Variants in FARP2 observed in about 807,000 individuals in gnomAD.
FARP2 encodes the protein FERM, ARHGEF and pleckstrin domain-containing protein 2.
In FARP2, 111 loss-of-function variants were observed where a neutral mutation model predicts 130.5. The observed-to-expected ratio is 0.85, with a 90% confidence interval of 0.73 to 1.00. The LOEUF is 1.00. Among genes scored for constraint, FARP2 ranks in the 50% least tolerant of loss-of-function variants. The pLI is 0.00. For missense variants in FARP2, 1,385 were observed against 1,346.3 expected (o/e 1.03, Z -0.45); for synonymous variants, 504 against 516.9 (o/e 0.98, Z 0.34).
At chr2:241,488,004 T>A (rs573762147) in intron 21 of FARP2, 1 of 152,032 alleles carries the variant, frequency 6.6e-6, no homozygotes, top group South Asian at 2.1e-4. Context: ...CGCCTCGGCC[T>A]CCCAAAGTGC....
At chr2:241,368,762 AT>A (rs1211324474) in intron 1 of FARP2, among the ~76,000 whole-genome samples, 1 of 152,104 alleles carries the variant, frequency 6.6e-6, no homozygotes, top group African/African-American at 2.4e-5. Flanking sequence ...GTGCGCCACT[AT>A]TCCTGGCTTT....
chr2:241,398,572 CTTT>C (rs35797376), intron 2 of FARP2, among the ~76,000 whole-genome samples: 6 of 139,290 alleles, frequency 4.3e-5, no homozygotes, highest in Admixed American at 1.4e-4. Flanking sequence ...TGTGAACATT[CTTT>C]TTTTTTTTTT....
intron 17 of FARP2, chr2:241,465,756 G>C (rs938558633): frequency 6.4e-7 from 1 of 1,550,616 alleles, no homozygotes; most frequent in African/African-American, 1.4e-5. Flanking sequence ...TGACGACGAC[G>C]ACTCAAGCTC....
At chr2:241,453,605 G>A (rs1486313150) in intron 13 of FARP2, among the ~76,000 whole-genome samples, 1 of 150,494 alleles carries the variant, frequency 6.6e-6, no homozygotes, top group Non-Finnish European at 1.5e-5. Flanking sequence ...CTGGGTGAAA[G>A]AGCGAGACTC....
At chr2:241,428,839 C>A (rs905499889) in intron 8 of FARP2, among the ~76,000 whole-genome samples, 2 of 152,144 alleles carry the variant, frequency 1.3e-5, no homozygotes, top group African/African-American at 2.4e-5. Context: ...AACAGGCACC[C>A]ATCAGGATAT....
At chr2:241,387,829 G>T (rs952381666) in intron 2 of FARP2, among the ~76,000 whole-genome samples, 1 of 148,624 alleles carries the variant, frequency 6.7e-6, no homozygotes, top group Non-Finnish European at 1.5e-5. Flanking sequence ...TTTATTTACA[G>T]TAGCATTAAA....
chr2:241,494,247 C>A lies in FARP2; in HGVS notation c.*122C>A. The A allele has an allele frequency of 1.9e-6, 1 of 522,460 alleles. No individual in the cohort carries two copies. Among genetic ancestry groups the A allele is most frequent in the Non-Finnish European group, 3.2e-6 (1 of 310,062 alleles). 32.4% of individuals were successfully genotyped at this position (522,460 alleles called of 1,614,324 possible). A position where few individuals can be genotyped will look rare whatever the true frequency, so the allele number is the denominator to read the frequency against. ...TGGTCTCACTGGATCCCCACTGGCA[C>A]CAGCAGTGTGGGTGGGCCTCATGTA... is the stretch of plus-strand genomic sequence containing the variant. On this transcript the variant is annotated 3_prime_UTR_variant, in exon 27 of 27. Transcript: ENST00000264042. This position sits in a 1 kb window ranked among gnomAD's most constrained non-coding sequence, Gnocchi z 4.9.
chr2:241,403,194 CT>C (rs2062239297), intron 2 of FARP2, among the ~76,000 whole-genome samples: 1 of 151,540 alleles, frequency 6.6e-6, no homozygotes, highest in Admixed American at 6.6e-5. Context: ...ACTCTTAAGA[CT>C]TTAGCTTTTT....
At chr2:241,362,889 A>G (rs1361439936) in intron 1 of FARP2, among the ~76,000 whole-genome samples, 2 of 152,224 alleles carry the variant, frequency 1.3e-5, no homozygotes, top group African/African-American at 2.4e-5. Context: ...ACCCCTCCCA[A>G]TGATAACCAC....
intron 14 of FARP2, among the ~76,000 whole-genome samples, chr2:241,457,479 TTCC>T (rs2063886364): frequency 7.7e-6 from 1 of 130,076 alleles, no homozygotes; most frequent in Non-Finnish European, 1.7e-5. Context: ...CCGCTTTGGG[TTCC>T]GGAGAGGCTC....
chr2:241,422,536 A>G (rs768873089), intron 8 of FARP2, among the ~76,000 whole-genome samples: 1 of 152,184 alleles, frequency 6.6e-6, no homozygotes, highest in Non-Finnish European at 1.5e-5. Context: ...AATGCTGAAC[A>G]CTCAAAAAGT....
Position 241,444,017 on chromosome 2 carries a change from G to A in FARP2, c.1411+2461G>A, listed in dbSNP as rs948318003. On this transcript the variant is annotated intron_variant, in intron 13 of 26. Transcript: ENST00000264042. ...CATCAGTGTTGGCTGGATGCCAGCA[G>A]GGGTTTTGTGGCTAACCACATCAGG... 2.6e-5 allele frequency: 4 copies of A among 152,280 alleles called. 1 individual carries two copies. The highest frequency in any genetic ancestry group is 5.9e-5 in the Non-Finnish European group (4 of 68,058). 9.4% of individuals were successfully genotyped at this position (152,280 alleles called of 1,614,324 possible). A position where few individuals can be genotyped will look rare whatever the true frequency, so the allele number is the denominator to read the frequency against.
chr2:241,367,144 G>A (rs987244458), intron 1 of FARP2, among the ~76,000 whole-genome samples: 3 of 152,094 alleles, frequency 2.0e-5, no homozygotes, highest in African/African-American at 7.3e-5. Context: ...ATCCTGAAGC[G>A]CCTGCTGGAG....
chr2:241,423,682 G>A (rs1373732794), intron 8 of FARP2, among the ~76,000 whole-genome samples: 1 of 152,186 alleles, frequency 6.6e-6, no homozygotes, highest in East Asian at 1.9e-4. Flanking sequence ...TGGATAAAGA[G>A]CCAAGACCTA....
At chr2:241,440,555 G>A (rs1170424425) in intron 12 of FARP2, among the ~76,000 whole-genome samples, 1 of 152,074 alleles carries the variant, frequency 6.6e-6, no homozygotes, top group Non-Finnish European at 1.5e-5. Context: ...CAGGTCTCTT[G>A]TGCCACTCCC....
chr2:241,435,604 C>G (rs1478222784), intron 11 of FARP2, among the ~76,000 whole-genome samples: 2 of 148,190 alleles, frequency 1.3e-5, no homozygotes. Context: ...CTCCGCCTCC[C>G]GGGTTCACAC....
In FARP2 at chr2:241,483,531, C is replaced by G; in HGVS notation, c.2329C>G (p.Leu777Val). The G allele has an allele frequency of 1.2e-6, 2 of 1,613,908 alleles. No homozygotes were observed. Among genetic ancestry groups the G allele is most frequent in the Non-Finnish European group, 1.7e-6 (2 of 1,179,752 alleles). The stretch of plus-strand genomic sequence containing the variant: ...GGGCCTGCAGCAGAGGATGTTTTTT[C>G]TGGTAGGTTCTCTCCCCACTCAAGC... ...KKGLQQRMFF[L>V]FSDMLLYTSK... Residue 777 changes from leucine to valine, a missense_variant and splice_region_variant, in exon 20 of 27, where the codon CTG (leucine) becomes GTG (valine). Transcript: ENST00000264042.
At chr2:241,465,768 CCCT>C (rs2064153426) in intron 17 of FARP2, 1 of 1,550,642 alleles carries the variant, frequency 6.4e-7, no homozygotes. Flanking sequence ...CTCAAGCTCC[CCCT>C]CCTCCATCCC....
At chr2:241,357,577 C>A (rs1016615124) in intron 1 of FARP2, among the ~76,000 whole-genome samples, 1 of 152,142 alleles carries the variant, frequency 6.6e-6, no homozygotes, top group African/African-American at 2.4e-5. Context: ...TGCACAGCCC[C>A]GTTTTAAAGT....
Sources: allele counts gnomAD v4.1 joint callset (sites outside exome capture counted in the v4.1 genomes callset), GRCh38; gene constraint gnomAD v4.1.1; non-coding constraint Gnocchi (gnomAD v3.1); transcripts MANE v1.5; gene names NCBI Gene and HGNC (gene_info 2026-07-23, HGNC 2026-07-21).